Variants in CCDC66 observed in about 807,000 individuals in gnomAD.
The protein encoded by CCDC66 is coiled-coil domain containing 66.
CCDC66 carries 133 observed loss-of-function variants against 128.3 expected under a neutral mutation model. The ratio of observed to expected loss-of-function variants is 1.04; its 90% CI spans 0.90 to 1.20. The LOEUF (loss-of-function observed/expected upper bound fraction) is 1.20. Ranked by LOEUF, CCDC66 falls within the 50% of genes most tolerant of loss-of-function variation. CCDC66 has a pLI of 0.00. For synonymous variants in CCDC66, 387 were observed against 357.0 expected (o/e 1.08, Z -0.95); for missense variants, 1,126 against 1,075.5 (o/e 1.05, Z -0.66).
At chr3:56,563,620 T>C in intron 3 of CCDC66, 64 bp from the exon 4 acceptor site, 1 of 1,293,274 alleles carries the variant, frequency 7.7e-7, no homozygotes, top group Non-Finnish European at 1.0e-6. Context: ...TCACAGATCA[T>C]ATAAAGATAA....
chr3:56,611,562 A>T (rs1280868577), intron 10 of CCDC66, among the ~76,000 whole-genome samples: 2 of 64,936 alleles, frequency 3.1e-5, no homozygotes, highest in Admixed American at 1.9e-4. Context: ...ATTCATGCCC[A>T]CCCCCCACCC....
At chr3:56,604,652 T>TG (rs2073796320) in intron 10 of CCDC66, among the ~76,000 whole-genome samples, 1 of 151,984 alleles carries the variant, frequency 6.6e-6, no homozygotes. Context: ...AGAGATCCGC[T>TG]GTTAGTCTGA....
intron 11 of CCDC66, among the ~76,000 whole-genome samples, chr3:56,614,894 A>G (rs1430112588): frequency 6.6e-6 from 1 of 152,230 alleles, no homozygotes; most frequent in Non-Finnish European, 1.5e-5. Context: ...AACTTTTAGT[A>G]TAAATTTGAA....
chr3:56,616,332 ACTTT>A, intron 13 of CCDC66: 1 of 284,000 alleles, frequency 3.5e-6, no homozygotes, highest in South Asian at 3.6e-5. Flanking sequence ...ATTACTTGCC[ACTTT>A]CTATTTCTCT....
intron 10 of CCDC66, among the ~76,000 whole-genome samples, chr3:56,608,672 C>T (rs1243199472): frequency 6.6e-6 from 1 of 151,920 alleles, no homozygotes; most frequent in African/African-American, 2.4e-5. Context: ...CTTGTTTCTC[C>T]ATTTCCTTGA....
chr3:56,559,698 G>A (rs999886183), intron 3 of CCDC66, 104 bp downstream of exon 3: 1 of 876,444 alleles, frequency 1.1e-6, no homozygotes, highest in African/African-American at 1.8e-5. Flanking sequence ...GTTCTAAGGG[G>A]TTTGGAATTA....
intron 3 of CCDC66, 26 bp from the exon 4 acceptor site, chr3:56,563,658 A>G: frequency 6.7e-7 from 1 of 1,500,616 alleles, no homozygotes; most frequent in Non-Finnish European, 8.9e-7. Context: ...ACAGTTATAA[A>G]GAATAAGCTT....
At chr3:56,565,701 G>A (rs2065740697) in intron 4 of CCDC66, among the ~76,000 whole-genome samples, 1 of 149,470 alleles carries the variant, frequency 6.7e-6, no homozygotes, top group Non-Finnish European at 1.5e-5. Flanking sequence ...GAGTCTCGCT[G>A]CATCGCCCAG....
rs1000667272 is a variant in CCDC66, at chr3:56,612,445, G to A, written c.1405-1144G>A. Among the ~76,000 whole-genome samples, 9 of 152,248 alleles carry A rather than the reference G, an allele frequency of 5.9e-5. 1 individual carries two copies. The highest frequency in any genetic ancestry group is 1.3e-4 in the Admixed American group (2 of 15,300). On this transcript the variant is annotated intron_variant, in intron 10 of 17. Transcript: ENST00000394672. ...GAGCATGCCTGTCCTTGGGCCCCAG[G>A]GCTGTATACACTGGCATCAGTGGTA...
intron 10 of CCDC66, among the ~76,000 whole-genome samples, chr3:56,596,127 C>G (rs1220738525): frequency 6.6e-6 from 1 of 152,116 alleles, no homozygotes; most frequent in Non-Finnish European, 1.5e-5. Flanking sequence ...CTATGTTGAC[C>G]AGACTGGTTT....
intron 17 of CCDC66, chr3:56,620,106 T>C: frequency 2.5e-6 from 1 of 398,046 alleles, no homozygotes. Flanking sequence ...AGTAGTTCTT[T>C]CCAGTACGAA....
upstream of CCDC66, chr3:56,557,165 AG>A (rs2064401617): frequency 1.9e-6 from 3 of 1,542,596 alleles, no homozygotes; most frequent in Non-Finnish European, 2.6e-6. Flanking sequence ...CAATTGGCGT[AG>A]CGCTTGCTGA....
intron 7 of CCDC66, among the ~76,000 whole-genome samples, chr3:56,589,777 C>T (rs1215661126): frequency 6.6e-6 from 1 of 152,130 alleles, no homozygotes. Context: ...AAAGGACTTA[C>T]ATCCAGCATA....
chr3:56,596,366 TA>T (rs2071919071), intron 10 of CCDC66, among the ~76,000 whole-genome samples: 1 of 152,240 alleles, frequency 6.6e-6, no homozygotes, highest in South Asian at 2.1e-4. Context: ...AAATGTTTAT[TA>T]ATGTTCTTTG....
At position 56,619,314 on chromosome 3, in the gene CCDC66, C is replaced by T; in HGVS notation, c.2422C>T (p.Gln808Ter). The stretch of plus-strand genomic sequence containing the variant: ...TCCAGTAGTGAAAAACAGAACCCAA[C>T]AAACTCAAAATACATTACATTTACC... Reference protein sequence around the residue: ...PVPVVKNRTQQTQNTLHLPLK... With the variant: ...PVPVVKNRTQ Residue 808 changes from glutamine (Q) to a stop codon, truncating the protein, a stop_gained, in exon 16 of 18, where the codon CAA becomes TAA. Transcript: ENST00000394672. LOFTEE classifies it high-confidence loss of function. The T allele has an allele frequency of 6.2e-7, 1 of 1,612,160 alleles. No individual in the cohort carries two copies. The highest frequency in any genetic ancestry group is 8.5e-7 in the Non-Finnish European group (1 of 1,179,190).
chr3:56,587,022 A>G (rs185200709), intron 7 of CCDC66, among the ~76,000 whole-genome samples: 7 of 151,996 alleles, frequency 4.6e-5, no homozygotes, highest in East Asian at 2.0e-4. Context: ...TGCTTGGGCC[A>G]CAGAGCAAGA....
chr3:56,566,647 A>T lies in CCDC66; in HGVS notation c.598A>T (p.Ile200Phe). The change falls in exon 5 of 18, where the codon ATT (isoleucine) becomes TTT (phenylalanine). Residue 200 changes from isoleucine to phenylalanine, a missense_variant. Ile to Phe is a conservative substitution (Grantham distance 21). Coordinates refer to ENST00000394672, the MANE Select transcript of CCDC66 (RefSeq NM_001141947.3). ...SISNQPKDEN[I>F]MGLFKKTEMV... ...TTCTAATCAGCCAAAGGATGAGAAC[A>T]TTATGGGATTATTCAAAAAAACTGA... The T allele has an allele frequency of 6.2e-7, 1 of 1,602,092 alleles. No individual in the cohort carries two copies. The highest frequency in any genetic ancestry group is 8.6e-7 in the Non-Finnish European group (1 of 1,169,212).
rs1490034324 is a variant in CCDC66 at position 56,617,201 on chromosome 3, AT to A, written c.1936del (p.Ser646ArgfsTer17). On this transcript the variant is annotated frameshift_variant, in exon 14 of 18. Coordinates refer to ENST00000394672, the MANE Select transcript of CCDC66 (RefSeq NM_001141947.3). LOFTEE classifies it high-confidence loss of function. ...CATCACAAATTGTTCATCTCCTGAG[AT>A]TTCGGCAGAACTTATTGGACAGTTT... ...RDITNCSSPE[I>X]SAELIGQFST... 4 of 1,613,602 alleles carry A rather than the reference AT, an allele frequency of 2.5e-6. No individual in the cohort carries two copies. The highest frequency in any genetic ancestry group is 3.4e-6 in the Non-Finnish European group (4 of 1,179,886).
chr3:56,567,086 A>C, intron 6 of CCDC66, 33 bp downstream of exon 6: 1 of 1,513,654 alleles, frequency 6.6e-7, no homozygotes, highest in South Asian at 1.1e-5. Context: ...TTATAGTTTT[A>C]TTGGCTTAAA....
Sources: allele counts gnomAD v4.1 joint callset (sites outside exome capture counted in the v4.1 genomes callset), GRCh38; gene constraint gnomAD v4.1.1; transcripts MANE v1.5; gene names NCBI Gene and HGNC (gene_info 2026-07-23, HGNC 2026-07-21).